Variants in NRXN1 observed in about 807,000 individuals in gnomAD.
The protein encoded by NRXN1 is neurexin 1, also known as neurexin-1.
NRXN1 carries 39 observed loss-of-function variants against 150.9 expected under a neutral mutation model. The ratio of observed to expected loss-of-function variants is 0.26; its 90% CI spans 0.20 to 0.34. The LOEUF (loss-of-function observed/expected upper bound fraction) is 0.34. Among genes scored for constraint, NRXN1 ranks in the 10% least tolerant of loss-of-function variants. The pLI, the probability that NRXN1 is intolerant of heterozygous loss-of-function variation, is 1.00. For missense variants in NRXN1, 1,815 were observed against 1,949.9 expected, an observed-to-expected ratio of 0.93 and a Z score of 1.30; for synonymous variants, 924 against 757.0, an observed-to-expected ratio of 1.22 and a Z score of -3.62.
At chr2:50,874,619 A>C (rs750171676) in intron 5 of NRXN1, among the ~76,000 whole-genome samples, 4 of 151,862 alleles carry the variant, frequency 2.6e-5, no homozygotes, top group African/African-American at 4.8e-5. Flanking sequence ...AAAAGTAATA[A>C]AACTTTTTAT....
At chr2:50,223,659 T>C (rs2064094729) in intron 18 of NRXN1, among the ~76,000 whole-genome samples, 3 of 151,918 alleles carry the variant, frequency 2.0e-5, no homozygotes. Context: ...ACAGATGACA[T>C]ACTTTTCCTT....
chr2:50,361,288 A>T (rs1372749790), intron 17 of NRXN1, among the ~76,000 whole-genome samples: 1 of 152,160 alleles, frequency 6.6e-6, no homozygotes, highest in East Asian at 1.9e-4. Flanking sequence ...GGAGATAGAG[A>T]CACAAAAAAA....
Position 50,538,508 on chromosome 2 carries a change from C to T in NRXN1, c.1888G>A (p.Glu630Lys), listed in dbSNP as rs1430355440. 2 of 1,607,548 alleles carry T rather than the reference C, an allele frequency of 1.2e-6. No individual in the cohort carries two copies. The highest frequency in any genetic ancestry group is 1.7e-5 in the Admixed American group (1 of 59,718). ...TAGTTGAGCAGAGCAGTCCACACCT[C>T]GGTGGGGAAGACAAGGCCAGCTTTA... Reference protein sequence around the residue: ...ENKAGLVFPTEVWTALLNYGY... With the variant: ...ENKAGLVFPTKVWTALLNYGY... The change falls in exon 10 of 23, where the codon GAG becomes AAG. Residue 630 changes from glutamate to lysine, a missense_variant. By Grantham distance (56) the Glu-to-Lys change is moderately conservative. This residue lies in a region of NRXN1 where 638 missense variants were observed against 652.6 expected (regional missense o/e 0.98). Coordinates refer to ENST00000401669, the MANE Select transcript of NRXN1 (RefSeq NM_001330078.2).
At chr2:50,652,432 T>C (rs1685777830) in intron 5 of NRXN1, among the ~76,000 whole-genome samples, 1 of 152,058 alleles carries the variant, frequency 6.6e-6, no homozygotes, top group African/African-American at 2.4e-5. Flanking sequence ...CACTAATCTT[T>C]TTGTCTGTAT....
intron 5 of NRXN1, among the ~76,000 whole-genome samples, chr2:50,765,354 G>T (rs1702262643): frequency 6.6e-6 from 1 of 152,130 alleles, no homozygotes; most frequent in Non-Finnish European, 1.5e-5. Flanking sequence ...GGAAACAGGA[G>T]CTCCTCTCAG....
At chr2:50,094,289 C>A (rs1414359070) in intron 18 of NRXN1, among the ~76,000 whole-genome samples, 2 of 152,042 alleles carry the variant, frequency 1.3e-5, no homozygotes, top group Non-Finnish European at 2.9e-5. Context: ...CTTTTAGGGT[C>A]CTGAATTAAT....
Position 50,996,692 on chromosome 2 carries a change from G to T in NRXN1, c.772+30810C>A, listed in dbSNP as rs542711356. 1.9e-4 allele frequency among the ~76,000 whole-genome samples: 29 copies of T among 152,108 alleles called. No homozygotes were observed. The South Asian group carries it at 5.4e-3, about 28-fold the overall frequency. On this transcript the variant is annotated intron_variant, in intron 2 of 22. Transcript: ENST00000401669. ...AAACCTCCATATTACATAAATGGGG[G>T]AGATAAGTAGGTTAGACTTATTCAA...
At chr2:50,707,690 T>C (rs562768866) in intron 5 of NRXN1, among the ~76,000 whole-genome samples, 2 of 152,240 alleles carry the variant, frequency 1.3e-5, no homozygotes, top group South Asian at 4.1e-4. Context: ...GCATCATTCA[T>C]TTAGAACAAT....
At chr2:50,957,707 AG>A (rs1692492743) in intron 2 of NRXN1, among the ~76,000 whole-genome samples, 1 of 152,196 alleles carries the variant, frequency 6.6e-6, no homozygotes, top group Non-Finnish European at 1.5e-5. Flanking sequence ...AATCCAGAAG[AG>A]AAAAAGTGAT....
chr2:50,695,520 T>C (rs564664643), intron 5 of NRXN1, among the ~76,000 whole-genome samples: 3 of 152,316 alleles, frequency 2.0e-5, no homozygotes, highest in Admixed American at 6.5e-5. Flanking sequence ...TAGTCTCTTA[T>C]TCATAGTAAG....
chr2:50,840,062 G>A (rs1672651720), intron 5 of NRXN1, among the ~76,000 whole-genome samples: 1 of 152,036 alleles, frequency 6.6e-6, no homozygotes, highest in South Asian at 2.1e-4. Flanking sequence ...ACTTTTACAT[G>A]TATTTAATCC....
chr2:49,945,471 G>A (rs1019992235), intron 21 of NRXN1, among the ~76,000 whole-genome samples: 3 of 151,282 alleles, frequency 2.0e-5, no homozygotes, highest in Non-Finnish European at 4.4e-5. Flanking sequence ...ACGTGCCATG[G>A]TGGTTTGCTG....
At chr2:50,170,756 C>CGTGTGT (rs58130457) in intron 18 of NRXN1, among the ~76,000 whole-genome samples, 63 of 143,214 alleles carry the variant, frequency 4.4e-4, no homozygotes, top group African/African-American at 1.1e-3. Flanking sequence ...CTCTGTCTGT[C>CGTGTGT]GTGTGTGTGT....
intron 5 of NRXN1, among the ~76,000 whole-genome samples, chr2:50,640,650 AT>A (rs1303420803): frequency 3.9e-5 from 6 of 152,192 alleles, no homozygotes; most frequent in African/African-American, 1.4e-4. Context: ...AACTATGCCA[AT>A]ATTACATACT....
intron 5 of NRXN1, among the ~76,000 whole-genome samples, chr2:50,675,256 G>T (rs1189951408): frequency 6.6e-6 from 1 of 152,076 alleles, no homozygotes; most frequent in Non-Finnish European, 1.5e-5. Flanking sequence ...AGACTAAGAA[G>T]CCCAGAAATT....
At chr2:50,153,978 A>G (rs2058856945) in intron 18 of NRXN1, among the ~76,000 whole-genome samples, 1 of 151,810 alleles carries the variant, frequency 6.6e-6, no homozygotes, top group South Asian at 2.1e-4. Flanking sequence ...GAAGATAGAT[A>G]GTTGCTGCTA....
At chr2:50,447,902 C>CATGGGTT (rs2086604483) in intron 17 of NRXN1, among the ~76,000 whole-genome samples, 2 of 150,926 alleles carry the variant, frequency 1.3e-5, no homozygotes, top group Non-Finnish European at 2.9e-5. Flanking sequence ...AGAAGCCCCC[C>CATGGGTT]ATGGGTTATT....
chr2:50,314,218 T>C, intron 17 of NRXN1, among the ~76,000 whole-genome samples: 1 of 152,054 alleles, frequency 6.6e-6, no homozygotes, highest in East Asian at 1.9e-4. Flanking sequence ...GAAATGCTAG[T>C]TTCTGCAGAC....
chr2:50,765,671 C>A (rs1702304485), intron 5 of NRXN1, among the ~76,000 whole-genome samples: 1 of 151,980 alleles, frequency 6.6e-6, no homozygotes, highest in Non-Finnish European at 1.5e-5. Context: ...ATAAGCATAT[C>A]CAGAATGGTA....
Sources: allele counts gnomAD v4.1 joint callset (sites outside exome capture counted in the v4.1 genomes callset), GRCh38; gene constraint gnomAD v4.1.1; regional missense constraint gnomAD v4.1.1; transcripts MANE v1.5; gene names NCBI Gene and HGNC (gene_info 2026-07-23, HGNC 2026-07-21).